OR2T8: variants seen among roughly 807,000 people sequenced by gnomAD.
OR2T8 encodes olfactory receptor family 2 subfamily T member 8.
For synonymous variants in OR2T8, 56 were observed against 154.3 expected (o/e 0.36, Z 4.72); for missense variants, 161 against 389.4 (o/e 0.41, Z 4.94).
chr1:247,921,476 C>T lies in OR2T8; in HGVS notation c.459C>T (p.Asp153=), dbSNP rs147971420. The part of the protein sequence containing the change: ...NLSCWLLGAA[D]GLLQAVATLS... ...CGTGTTGGCTCCTGGGTGCAGCTGA[C>T]GGGCTCCTGCAGGCTGTTGCTACCC... The change falls in exon 2 of 2, where the codon GAC becomes GAT. Residue 153 remains aspartate (D), a synonymous_variant. Transcript: ENST00000641945. The T allele has an allele frequency of 3.3e-4, 469 of 1,411,002 alleles. 1 individual carries two copies. In the African/African-American group the frequency reaches 9.4e-3, roughly 28 times the overall value. 87.4% of individuals were successfully genotyped at this position (1,411,002 alleles called of 1,614,324 possible).
At position 247,922,476 on chromosome 1, in the gene OR2T8, C is replaced by T. The variant is rs536929505; in HGVS notation, c.*520C>T. On this transcript the variant is annotated 3_prime_UTR_variant, in exon 2 of 2. Transcript: ENST00000641945. ...ACATCCACTGCTCTAATTTTTATCT[C>T]TGTTCGTTAGTTTGGGCTATTCTAA... Among the ~76,000 whole-genome samples the T allele has an allele frequency of 2.6e-5, 4 of 152,316 alleles. No homozygotes were observed. The East Asian group carries it at 7.7e-4, about 29-fold the overall frequency.
Position 247,922,130 on chromosome 1 carries a change from A to G in OR2T8, c.*174A>G, listed in dbSNP as rs567632572. On this transcript the variant is annotated 3_prime_UTR_variant, in exon 2 of 2. Transcript: ENST00000641945. ...ATTCCTCGGGTTCATTTACTCAGCTATCATTACCCAATCAAATCATGGATT... is the reference window on the plus strand; with the variant it reads ...ATTCCTCGGGTTCATTTACTCAGCTGTCATTACCCAATCAAATCATGGATT... Among the ~76,000 whole-genome samples, 2 of 152,292 alleles carry G rather than the reference A, an allele frequency of 1.3e-5. No homozygotes were observed. Among genetic ancestry groups the G allele is most frequent in the East Asian group, 1.9e-4 (1 of 5,172 alleles).
chr1:247,921,021 G>A lies in OR2T8; in HGVS notation c.4G>A (p.Glu2Lys), dbSNP rs777011786. The A allele has an allele frequency of 7.5e-6, 12 of 1,595,574 alleles. No homozygotes were observed. The highest frequency in any genetic ancestry group is 6.7e-5 in the South Asian group (6 of 89,182). ...AGTGTCACTCTTATTTGAAATCATG[G>A]AAAATGGGAGCTATACCTCTTATTT... Reference protein sequence around the residue: MENGSYTSYFIL... With the variant: MKNGSYTSYFIL... Residue 2 changes from glutamate (E) to lysine (K), a missense_variant, in exon 2 of 2, where the codon GAA becomes AAA. Coordinates refer to ENST00000641945, the MANE Select transcript of OR2T8 (RefSeq NM_001005522.2).
rs1659990176 is a variant in OR2T8 at position 247,920,276 on chromosome 1, GTT to G, written c.-262_-261del. On this transcript the variant is annotated 5_prime_UTR_variant, in exon 1 of 2. Coordinates refer to ENST00000641945, the MANE Select transcript of OR2T8 (RefSeq NM_001005522.2). The stretch of plus-strand genomic sequence containing the variant: ...TCATTGCAACAAAGTACCTTGTACA[GTT>G]AATGAAAATGTGTGTTTACCATTAT... 1 of 152,164 alleles carries G rather than the reference GTT, an allele frequency of 6.6e-6. No individual in the cohort carries two copies. Among genetic ancestry groups the G allele is most frequent in the Admixed American group, 6.5e-5 (1 of 15,276 alleles). 9.4% of individuals were successfully genotyped at this position (152,164 alleles called of 1,614,324 possible).
intron 1 of OR2T8, 72 bp from the exon 2 acceptor site, chr1:247,920,926 T>A (rs1159130952): frequency 8.6e-7 from 1 of 1,157,828 alleles, no homozygotes; most frequent in Admixed American, 2.4e-5. Flanking sequence ...TACTTTTCTA[T>A]TTTTTTACTA....
At position 247,921,818 on chromosome 1, in the gene OR2T8, C is replaced by G; in HGVS notation, c.801C>G (p.Asn267Lys). The change falls in exon 2 of 2, where the codon AAC (asparagine) becomes AAG (lysine). Residue 267 changes from asparagine to lysine, a missense_variant. Transcript: ENST00000641945. The part of the protein sequence containing the change: ...YMRPKSHRST[N>K]HDKVVSAFYT... ...GACCCAAATCCCACAGGTCCACTAACCACGACAAGGTTGTGTCAGCCTTCT... is the reference window on the plus strand; with the variant it reads ...GACCCAAATCCCACAGGTCCACTAAGCACGACAAGGTTGTGTCAGCCTTCT... 1 of 1,612,064 alleles carries G rather than the reference C, an allele frequency of 6.2e-7. No individual in the cohort carries two copies. The highest frequency in any genetic ancestry group is 2.2e-5 in the East Asian group (1 of 44,746).
At position 247,921,004 on chromosome 1, in the gene OR2T8, T is replaced by C. The variant is rs776131216; in HGVS notation, c.-14T>C. 3.2e-6 allele frequency: 5 copies of C among 1,582,820 alleles called. No homozygotes were observed. Among genetic ancestry groups the C allele is most frequent in the Non-Finnish European group, 4.3e-6 (5 of 1,160,196 alleles). The stretch of plus-strand genomic sequence containing the variant: ...TCTTTTTCTCCATTTGCAGTGTCAC[T>C]CTTATTTGAAATCATGGAAAATGGG... On this transcript the variant is annotated 5_prime_UTR_variant, in exon 2 of 2. Coordinates refer to ENST00000641945, the MANE Select transcript of OR2T8 (RefSeq NM_001005522.2).
intron 1 of OR2T8, 141 bp from the exon 2 acceptor site, chr1:247,920,857 G>C: frequency 1.6e-6 from 1 of 618,940 alleles, no homozygotes; most frequent in Non-Finnish European, 2.8e-6. Flanking sequence ...GCACAAATTA[G>C]AACATTTTGC....
Position 247,921,589 on chromosome 1 carries a change from C to T in OR2T8, c.572C>T (p.Ser191Leu), listed in dbSNP as rs1255349809. Residue 191 changes from serine (S) to leucine (L), a missense_variant, in exon 2 of 2, where the codon TCA (serine) becomes TTA (leucine). Physicochemically the swap from Ser to Leu is moderately radical, Grantham distance 145 (BLOSUM62 -2). Transcript: ENST00000641945. ...VLVRLACADT[S>L]VFENAMYICC... The stretch of plus-strand genomic sequence containing the variant: ...GTGCGTTTGGCTTGTGCTGACACTT[C>T]AGTCTTCGAAAACGCCATGTACATC... The T allele has an allele frequency of 7.8e-7, 1 of 1,289,082 alleles. No homozygotes were observed. Among genetic ancestry groups the T allele is most frequent in the African/African-American group, 1.7e-5 (1 of 57,276 alleles). The allele number at this position is 1,289,082 out of a possible 1,614,324, so 79.9% of individuals were successfully genotyped here. A position where few individuals can be genotyped will look rare whatever the true frequency, so the allele number is the denominator to read the frequency against.
chr1:247,920,495 G>C lies in OR2T8; in HGVS notation c.-44G>C, dbSNP rs1659992692. On this transcript the variant is annotated 5_prime_UTR_variant, in exon 1 of 2. Transcript: ENST00000641945. Reference sequence around the variant, plus strand: ...AGGAAAAAAAGTCTTCTTGGATTAAGTCAGGGAAAACTGCCTGATTTTGGT... The same window carrying C: ...AGGAAAAAAAGTCTTCTTGGATTAACTCAGGGAAAACTGCCTGATTTTGGT... 1 of 153,510 alleles carries C rather than the reference G, an allele frequency of 6.5e-6. No individual in the cohort carries two copies. The highest frequency in any genetic ancestry group is 2.0e-4 in the South Asian group (1 of 4,902). 9.5% of individuals were successfully genotyped at this position (153,510 alleles called of 1,614,324 possible).
At chr1:247,920,905 T>C (rs1659998488) in intron 1 of OR2T8, 93 bp from the exon 2 acceptor site, 3 of 924,790 alleles carry the variant, frequency 3.2e-6, no homozygotes, top group Middle Eastern at 2.3e-4. Flanking sequence ...GTTTCATCGC[T>C]TTCACACAAG....
At position 247,921,712 on chromosome 1, in the gene OR2T8, G is replaced by C. The variant is rs373532215; in HGVS notation, c.695G>C (p.Arg232Pro). ...CTGCACATGCGCTCTACAGAAGCCC[G>C]CAAGAAGGCCTTTGCCACCTGCTCT... ...AVLHMRSTEA[R>P]KKAFATCSSH... The change falls in exon 2 of 2, where the codon CGC (arginine) becomes CCC (proline). Residue 232 changes from arginine to proline, a missense_variant. Physicochemically the swap from Arg to Pro is moderately radical, Grantham distance 103. Coordinates refer to ENST00000641945, the MANE Select transcript of OR2T8 (RefSeq NM_001005522.2). 6.4e-7 allele frequency: 1 copy of C among 1,573,270 alleles called. No individual in the cohort carries two copies. Among genetic ancestry groups the C allele is most frequent in the Non-Finnish European group, 8.7e-7 (1 of 1,151,066 alleles).
At position 247,923,146 on chromosome 1, in the gene OR2T8, T is replaced by A. The variant is rs1660045775; in HGVS notation, c.*1190T>A. ...TAAAATCATATATTGGGTTATTTTT[T>A]ATTATATTTCCTGACACATGTGTTA... On this transcript the variant is annotated 3_prime_UTR_variant, in exon 2 of 2. Coordinates refer to ENST00000641945, the MANE Select transcript of OR2T8 (RefSeq NM_001005522.2). Among the ~76,000 whole-genome samples, 2 of 152,350 alleles carry A rather than the reference T, an allele frequency of 1.3e-5. No homozygotes were observed. The highest frequency in any genetic ancestry group is 4.1e-4 in the South Asian group (2 of 4,832).
Position 247,921,989 on chromosome 1 carries a change from G to A in OR2T8, c.*33G>A. Reference sequence around the variant, plus strand: ...TATTTGCCCCAACATTCAAAACTGTGCAAAGTGTTTGTGTGGAATTTCCTA... The same window carrying A: ...TATTTGCCCCAACATTCAAAACTGTACAAAGTGTTTGTGTGGAATTTCCTA... On this transcript the variant is annotated 3_prime_UTR_variant, in exon 2 of 2. Transcript: ENST00000641945. 6.3e-7 allele frequency: 1 copy of A among 1,597,506 alleles called. No individual in the cohort carries two copies. Among genetic ancestry groups the A allele is most frequent in the Non-Finnish European group, 8.6e-7 (1 of 1,169,268 alleles).
intron 1 of OR2T8, 54 bp from the exon 2 acceptor site, chr1:247,920,944 C>A: frequency 7.7e-7 from 1 of 1,301,574 alleles, no homozygotes; most frequent in South Asian, 1.4e-5. Context: ...CTACGTAACT[C>A]AAATGGAGTA....
rs145130602 is a variant in OR2T8, at chr1:247,921,629, G to A, written c.612G>A (p.Met204Ile). 6,959 of 1,358,770 alleles carry A rather than the reference G, an allele frequency of 5.1e-3. 91 individuals are homozygous for A. In the African/African-American group the frequency reaches 0.08, roughly 16 times the overall value. The allele number at this position is 1,358,770 out of a possible 1,614,324, so 84.2% of individuals were successfully genotyped here. ...CCATGTACATCTGCTGTGTGTTAAT[G>A]CTCCTGGTCCCCTTTTCCCTCATCC... is the stretch of plus-strand genomic sequence containing the variant. ...ENAMYICCVL[M>I]LLVPFSLILS... Residue 204 changes from methionine (M) to isoleucine (I), a missense_variant, in exon 2 of 2, where the codon ATG becomes ATA. Physicochemically the swap from Met to Ile is conservative, Grantham distance 10. Coordinates refer to ENST00000641945, the MANE Select transcript of OR2T8 (RefSeq NM_001005522.2).
rs573924223 is a variant in OR2T8, at chr1:247,920,470, A to G, written c.-69A>G. 1 of 153,604 alleles carries G rather than the reference A, an allele frequency of 6.5e-6. No homozygotes were observed. The highest frequency in any genetic ancestry group is 2.0e-4 in the South Asian group (1 of 4,910). The allele number at this position is 153,604 out of a possible 1,614,324, so 9.5% of individuals were successfully genotyped here. A position where few individuals can be genotyped will look rare whatever the true frequency, so the allele number is the denominator to read the frequency against. ...AGAATATAAGTCACCCTCTTTAGAA[A>G]GGAAAAAAAGTCTTCTTGGATTAAG... is the stretch of plus-strand genomic sequence containing the variant. On this transcript the variant is annotated 5_prime_UTR_variant, in exon 1 of 2. Transcript: ENST00000641945.
At chr1:247,920,669 T>C (rs574694545) in intron 1 of OR2T8, among the ~76,000 whole-genome samples, 151 bp downstream of exon 1, 1 of 152,336 alleles carries the variant, frequency 6.6e-6, no homozygotes, top group South Asian at 2.1e-4. Flanking sequence ...TGACAAATTA[T>C]GTGAATCATT....
Position 247,922,043 on chromosome 1 carries a change from A to C in OR2T8, c.*87A>C. 1 of 1,317,826 alleles carries C rather than the reference A, an allele frequency of 7.6e-7. No homozygotes were observed. Among genetic ancestry groups the C allele is most frequent in the Non-Finnish European group, 1.1e-6 (1 of 945,444 alleles). The allele number at this position is 1,317,826 out of a possible 1,614,324, so 81.6% of individuals were successfully genotyped here. ...ATAAGGAATATACACTTTTATTTCTACATCTGTTGTCTCTGTGTGTGTGTG... is the reference window on the plus strand; with the variant it reads ...ATAAGGAATATACACTTTTATTTCTCCATCTGTTGTCTCTGTGTGTGTGTG... On this transcript the variant is annotated 3_prime_UTR_variant, in exon 2 of 2. Transcript: ENST00000641945.
Sources: gnomAD v4.1 joint callset for allele counts (sites outside exome capture counted in the v4.1 genomes callset) on GRCh38, gnomAD v4.1.1 for gene constraint, MANE v1.5 for transcripts, NCBI Gene and HGNC (gene_info 2026-07-23, HGNC 2026-07-21) for gene names.